The following CCDC120 variants were observed in gnomAD, a reference collection of about 807,000 sequenced individuals.
CCDC120 encodes the protein coiled-coil domain containing 120, also known as coiled-coil domain-containing protein 120.
In CCDC120, 16 loss-of-function variants were observed where a neutral mutation model predicts 37.6. The observed-to-expected ratio is 0.43, with a 90% CI of 0.29 to 0.65. The LOEUF (loss-of-function observed/expected upper bound fraction) is 0.65, where lower values mean the gene tolerates loss of function less well. CCDC120 is among the 30% of genes least tolerant of loss of function. The pLI is 0.18. For synonymous variants in CCDC120, 309 were observed against 275.4 expected, an observed-to-expected ratio of 1.12 and a Z score of -1.21; for missense variants, 650 against 657.4, an observed-to-expected ratio of 0.99 and a Z score of 0.12.
chrX:49,068,637 G>C lies in CCDC120; in HGVS notation c.2070G>C (p.Gln690His). The change falls in exon 11 of 11, where the codon CAG becomes CAC. Residue 690 changes from glutamine (Q) to histidine (H), a missense_variant. Physicochemically the swap from Gln to His is conservative, Grantham distance 24. Transcript: ENST00000603986. ...AGCAGTCCTCCAGTTCTGACACCCA[G>C]ACCCCGGGGACACTGGTCTGACCCC... ...EGEQSSSSDTQTPGTLV is the reference protein window; with the variant it reads ...EGEQSSSSDTHTPGTLV The C allele has an allele frequency of 8.7e-7, 1 of 1,149,708 alleles. No individual in the cohort carries two copies. The highest frequency in any genetic ancestry group is 1.2e-6 in the Non-Finnish European group (1 of 864,920). 94.7% of individuals were successfully genotyped at this position (1,149,708 alleles called of 1,213,427 possible). A position where few individuals can be genotyped will look rare whatever the true frequency, so the allele number is the denominator to read the frequency against.
intron 10 of CCDC120, 47 bp from the exon 11 acceptor site, chrX:49,068,497 T>A: frequency 9.5e-7 from 1 of 1,053,545 alleles, no homozygotes. Flanking sequence ...TTTCTTCTTC[T>A]TGTCTTCCCC....
At chrX:49,056,281 G>C (rs781996257), upstream of CCDC120, among the ~76,000 whole-genome samples, 1 of 110,669 alleles carries the variant, frequency 9.0e-6, no homozygotes, top group African/African-American at 3.3e-5. Context: ...GGAGGGTACC[G>C]TGTCTAGATA....
chrX:49,059,354 C>T (rs2064856651), intron 1 of CCDC120: 12 of 752,291 alleles, frequency 1.6e-5, no homozygotes, highest in Admixed American at 1.7e-4. Flanking sequence ...GAGGAGGGAT[C>T]GGGGAAAAGA....
Position 49,067,710 on chromosome X carries a change from C to T in CCDC120, c.1596C>T (p.Asn532=), listed in dbSNP as rs781908402. 1.7e-5 allele frequency: 20 copies of T among 1,194,625 alleles called. No homozygotes were observed. In the Admixed American group the frequency reaches 2.7e-4, roughly 16 times the overall value. The part of the protein sequence containing the change: ...GPPPVYAADS[N]SPLLRTKDPH... ...CACCTGTGTATGCAGCTGACAGCAA[C>T]AGCCCCCTCCTCCGCACCAAGGACC... The change falls in exon 10 of 11, where the codon AAC becomes AAT. Residue 532 remains asparagine, a synonymous_variant. Coordinates refer to ENST00000603986, the MANE Select transcript of CCDC120 (RefSeq NM_001163321.4).
upstream of CCDC120, among the ~76,000 whole-genome samples, chrX:49,058,703 G>T (rs1186457430): frequency 8.9e-6 from 1 of 112,655 alleles, no homozygotes; most frequent in African/African-American, 3.2e-5. Context: ...AAAAATTTTT[G>T]TAGAGATGGG....
chrX:49,063,851 C>T lies in CCDC120; in HGVS notation c.289-10C>T. On this transcript the variant is annotated splice_polypyrimidine_tract_variant and intron_variant, in intron 4 of 10. Transcript: ENST00000603986. Reference sequence around the variant, plus strand: ...ACCCTTGGTAGTCTCTGACCCCTGCCTCCCACCAGGAGCTGACTGGCCAGC... The same window carrying T: ...ACCCTTGGTAGTCTCTGACCCCTGCTTCCCACCAGGAGCTGACTGGCCAGC... 8.3e-7 allele frequency: 1 copy of T among 1,198,029 alleles called. No individual in the cohort carries two copies. The highest frequency in any genetic ancestry group is 1.1e-6 in the Non-Finnish European group (1 of 888,167).
At chrX:49,063,728 A>T (rs1351347149) in intron 4 of CCDC120, 133 bp from the exon 5 acceptor site, 54 of 624,240 alleles carry the variant, frequency 8.7e-5, no homozygotes, top group Non-Finnish European at 1.3e-4. Context: ...GGTAGGAGGG[A>T]GGGGAGTATC....
chrX:49,068,140 C>G, intron 10 of CCDC120, 50 bp downstream of exon 10: 4 of 1,140,038 alleles, frequency 3.5e-6, no homozygotes, highest in Non-Finnish European at 4.7e-6. Flanking sequence ...AGGCAGATGG[C>G]GAAGATATCC....
Position 49,069,666 on chromosome X carries a change from C to G in CCDC120, c.*1008C>G, listed in dbSNP as rs1432330780. ...AGCCGTGAGCCACTGCACCCAGCCCCAATCCACCACTTTTTAAGCAAACCC... is the reference window on the plus strand; with the variant it reads ...AGCCGTGAGCCACTGCACCCAGCCCGAATCCACCACTTTTTAAGCAAACCC... On this transcript the variant is annotated 3_prime_UTR_variant, in exon 11 of 11. Transcript: ENST00000603986. 1 of 112,557 alleles carries G rather than the reference C, an allele frequency of 8.9e-6. No individual in the cohort carries two copies. Among genetic ancestry groups the G allele is most frequent in the East Asian group, 2.8e-4 (1 of 3,569 alleles). 9.3% of individuals were successfully genotyped at this position (112,557 alleles called of 1,213,427 possible). A position where few individuals can be genotyped will look rare whatever the true frequency, so the allele number is the denominator to read the frequency against.
intron 4 of CCDC120, 179 bp downstream of exon 4, chrX:49,062,780 C>G: frequency 1.9e-6 from 1 of 532,348 alleles, no homozygotes; most frequent in East Asian, 3.7e-5. Context: ...ATGAAATAGG[C>G]TGGGCGCTGT....
Position 49,065,729 on chromosome X carries a change from C to A in CCDC120, c.963-18C>A. 1 of 1,176,539 alleles carries A rather than the reference C, an allele frequency of 8.5e-7. No individual in the cohort carries two copies. Among genetic ancestry groups the A allele is most frequent in the Non-Finnish European group, 1.1e-6 (1 of 877,239 alleles). ...GGTGGGTACAGTCTCTAACCTAGGCCTGCCTGTCTCTGTCTAGCCCCACAC... is the reference window on the plus strand; with the variant it reads ...GGTGGGTACAGTCTCTAACCTAGGCATGCCTGTCTCTGTCTAGCCCCACAC... On this transcript the variant is annotated intron_variant, in intron 8 of 10. Transcript: ENST00000603986.
intron 1 of CCDC120, among the ~76,000 whole-genome samples, chrX:49,059,737 C>T (rs1358922600): frequency 9.0e-6 from 1 of 111,141 alleles, no homozygotes; most frequent in Admixed American, 9.5e-5. Context: ...AAAAACCTGC[C>T]GGGCCCGCCT....
chrX:49,068,809 C>A lies in CCDC120; in HGVS notation c.*151C>A. The A allele has an allele frequency of 2.0e-6, 1 of 503,074 alleles. No individual in the cohort carries two copies. The highest frequency in any genetic ancestry group is 2.8e-6 in the Non-Finnish European group (1 of 354,654). 41.5% of individuals were successfully genotyped at this position (503,074 alleles called of 1,213,427 possible). A position where few individuals can be genotyped will look rare whatever the true frequency, so the allele number is the denominator to read the frequency against. ...CAAGGCCCCTGGCTCCCCGTAGGCC[C>A]AGGAAGGTGTCTGACACCCTGCTTC... is the stretch of plus-strand genomic sequence containing the variant. On this transcript the variant is annotated 3_prime_UTR_variant, in exon 11 of 11. Transcript: ENST00000603986.
rs1557082340 is a variant in CCDC120, at chrX:49,068,600, C to T, written c.2033C>T (p.Thr678Met). Residue 678 changes from threonine to methionine, a missense_variant, in exon 11 of 11, where the codon ACG (threonine) becomes ATG (methionine). By Grantham distance (81) the Thr-to-Met change is moderately conservative (BLOSUM62 -1). Around this residue, in one of 3 missense-constraint regions of CCDC120, gnomAD observed 576 missense variants for 565.3 expected, o/e 1.02. Coordinates refer to ENST00000603986, the MANE Select transcript of CCDC120 (RefSeq NM_001163321.4). ...PELSARLSDLTLEGEQSSSSD... is the reference protein window; with the variant it reads ...PELSARLSDLMLEGEQSSSSD... ...CTGAGCGCTCGTTTAAGTGACCTGA[C>T]GCTAGAGGGGGAGCAGTCCTCCAGT... The T allele has an allele frequency of 6.9e-6, 8 of 1,157,871 alleles. No homozygotes were observed. The highest frequency in any genetic ancestry group is 2.3e-4 in the Middle Eastern group (1 of 4,265).
At chrX:49,068,438 C>T in intron 10 of CCDC120, 106 bp from the exon 11 acceptor site, 3 of 1,048,405 alleles carry the variant, frequency 2.9e-6, no homozygotes, top group Non-Finnish European at 3.7e-6. Flanking sequence ...CCTGCCTCCA[C>T]CTCTTTAACG....
rs782019146 is a variant in CCDC120 at position 49,067,286 on chromosome X, G to C, written c.1172G>C (p.Arg391Pro). The C allele has an allele frequency of 8.3e-7, 1 of 1,210,961 alleles. No individual in the cohort carries two copies. ...GCCTCCCTCTTCGTAGCTCGCACCC[G>C]CCGCAGCAACAGTTCTGAGGCCCTG... ...DRASLFVART[R>P]RSNSSEALLV... The change falls in exon 10 of 11, where the codon CGC (arginine) becomes CCC (proline). Residue 391 changes from arginine (R) to proline (P), a missense_variant. Physicochemically the swap from Arg to Pro is moderately radical, Grantham distance 103. Coordinates refer to ENST00000603986, the MANE Select transcript of CCDC120 (RefSeq NM_001163321.4).
At chrX:49,056,921 C>G (rs782578451), upstream of CCDC120, among the ~76,000 whole-genome samples, 1 of 111,944 alleles carries the variant, frequency 8.9e-6, no homozygotes. Context: ...ACAATAGCCC[C>G]GTGAGGTACA....
At chrX:49,066,528 G>A (rs2064955465) in intron 9 of CCDC120, 1 of 111,835 alleles carries the variant, frequency 8.9e-6, no homozygotes, top group Admixed American at 9.5e-5. Context: ...GGCACAGAAA[G>A]GTTAAGTAAC....
intron 3 of CCDC120, 53 bp downstream of exon 3, chrX:49,062,378 C>T: frequency 8.3e-7 from 1 of 1,208,640 alleles, no homozygotes; most frequent in Non-Finnish European, 1.1e-6. Flanking sequence ...GAATCACCAC[C>T]TGCTTGCTCG....
Sources: allele counts gnomAD v4.1 joint callset (sites outside exome capture counted in the v4.1 genomes callset), GRCh38; gene constraint gnomAD v4.1.1; regional missense constraint gnomAD v4.1.1; transcripts MANE v1.5; gene names NCBI Gene and HGNC (gene_info 2026-07-23, HGNC 2026-07-21).